Variants in CALCR observed in about 807,000 individuals in gnomAD.
CALCR encodes the protein calcitonin receptor.
Under a neutral mutation model 59.5 loss-of-function variants are expected in CALCR, and 47 were observed. That is an observed-to-expected ratio of 0.79 (90% CI 0.63 to 1.01). The LOEUF is 1.01. CALCR is among the 50% of genes least tolerant of loss of function. The pLI is 0.00. For missense variants in CALCR, 566 were observed against 597.1 expected, an observed-to-expected ratio of 0.95 and a Z score of 0.54; for synonymous variants, 213 against 211.3, an observed-to-expected ratio of 1.01 and a Z score of -0.07.
chr7:93,491,179 G>T (rs1281772913), intron 2 of CALCR, among the ~76,000 whole-genome samples: 1 of 152,060 alleles, frequency 6.6e-6, no homozygotes, highest in East Asian at 1.9e-4. Context: ...TTCAATAAAT[G>T]GTGCTGGGAA....
At chr7:93,429,854 A>T (rs76678248) in intron 13 of CALCR, among the ~76,000 whole-genome samples, 5 of 52,490 alleles carry the variant, frequency 9.5e-5, no homozygotes, top group African/African-American at 2.7e-4. Context: ...AATCATGATT[A>T]AAAAAAAAAA....
intron 2 of CALCR, among the ~76,000 whole-genome samples, chr7:93,496,273 C>T (rs1801200823): frequency 6.6e-6 from 1 of 151,528 alleles, no homozygotes; most frequent in African/African-American, 2.4e-5. Flanking sequence ...TTACTATAGA[C>T]ATTAGCACTT....
intron 3 of CALCR, 36 bp downstream of exon 3, chr7:93,486,895 C>T: frequency 1.6e-6 from 2 of 1,221,414 alleles, no homozygotes; most frequent in Non-Finnish European, 2.4e-6. Flanking sequence ...CAGCATTCTT[C>T]ATTAGCATGG....
chr7:93,460,627 T>C (rs1395388533), intron 8 of CALCR, among the ~76,000 whole-genome samples, 194 bp downstream of exon 8: 1 of 138,474 alleles, frequency 7.2e-6, no homozygotes, highest in South Asian at 2.3e-4. Context: ...TGTTGTATGA[T>C]TCTTATCTGC....
intron 2 of CALCR, among the ~76,000 whole-genome samples, chr7:93,504,191 C>T (rs1801379300): frequency 6.6e-6 from 1 of 152,080 alleles, no homozygotes; most frequent in Admixed American, 6.5e-5. Flanking sequence ...AGAAAATTGC[C>T]CACATTTCCC....
intron 2 of CALCR, among the ~76,000 whole-genome samples, chr7:93,511,415 T>C (rs149127400): frequency 0.01 from 1,569 of 152,184 alleles, 20 homozygotes; most frequent in Non-Finnish European, 0.014. Flanking sequence ...ATTTAGTAAA[T>C]TGTTATGTGG....
At chr7:93,540,300 T>C (rs1402610950) in intron 2 of CALCR, among the ~76,000 whole-genome samples, 1 of 152,206 alleles carries the variant, frequency 6.6e-6, no homozygotes, top group African/African-American at 2.4e-5. Context: ...GTATGGCAGG[T>C]AAATACATTG....
rs1191717462 is a variant in CALCR, at chr7:93,537,241, G to T, written c.-27+37048C>A. Among the ~76,000 whole-genome samples, 3 of 151,710 alleles carry T rather than the reference G, an allele frequency of 2.0e-5. No individual in the cohort carries two copies. In the East Asian group the frequency reaches 5.8e-4, roughly 29 times the overall value. The stretch of plus-strand genomic sequence containing the variant: ...CTTTTTCTCTTATACAATGTTCCAA[G>T]TTTTAGGTTATAGTGAAATTCCCTC... On this transcript the variant is annotated intron_variant, in intron 2 of 13. Transcript: ENST00000426151.
intron 2 of CALCR, among the ~76,000 whole-genome samples, chr7:93,517,628 T>C (rs924685551): frequency 3.9e-5 from 6 of 152,052 alleles, no homozygotes; most frequent in South Asian, 2.1e-4. Flanking sequence ...TATTCTTACA[T>C]TGAAGCTATC....
At chr7:93,566,981 A>G (rs1789877840) in intron 2 of CALCR, among the ~76,000 whole-genome samples, 1 of 152,206 alleles carries the variant, frequency 6.6e-6, no homozygotes, top group Non-Finnish European at 1.5e-5. Context: ...TATAAATACC[A>G]CCTAAGTAGC....
intron 2 of CALCR, among the ~76,000 whole-genome samples, chr7:93,509,803 T>G (rs567439909): frequency 6.6e-6 from 1 of 152,254 alleles, no homozygotes; most frequent in South Asian, 2.1e-4. Flanking sequence ...TATGAAAATC[T>G]AAATACAGAA....
chr7:93,463,167 C>G (rs939314168), intron 7 of CALCR, among the ~76,000 whole-genome samples: 1 of 151,772 alleles, frequency 6.6e-6, no homozygotes, highest in Non-Finnish European at 1.5e-5. Context: ...TTCGTATTAA[C>G]TAGCTAACAT....
intron 7 of CALCR, among the ~76,000 whole-genome samples, chr7:93,465,467 G>A (rs1800420877): frequency 6.6e-6 from 1 of 151,716 alleles, no homozygotes; most frequent in Non-Finnish European, 1.5e-5. Flanking sequence ...AATTTTTTCT[G>A]CGAAGGTTTT....
rs187155980 is a variant in CALCR, at chr7:93,433,497, A to G, written c.1191+756T>C. ...CTGTGTTCCAGTCTGGGTTATAACC[A>G]TAAGTGCATTTGTGACATTGGGTAA... On this transcript the variant is annotated intron_variant, in intron 13 of 13. Coordinates refer to ENST00000426151, the MANE Select transcript of CALCR (RefSeq NM_001742.4). Among the ~76,000 whole-genome samples the G allele has an allele frequency of 6.2e-4, 94 of 152,342 alleles. 4 individuals carry two copies. Among genetic ancestry groups the G allele is most frequent in the Admixed American group, 5.6e-3 (86 of 15,304 alleles).
At chr7:93,483,164 T>C (rs974831803) in intron 3 of CALCR, among the ~76,000 whole-genome samples, 4 of 151,738 alleles carry the variant, frequency 2.6e-5, no homozygotes, top group Non-Finnish European at 5.9e-5. Flanking sequence ...GTCCTTCATA[T>C]AAAATGGTGT....
At chr7:93,473,668 G>A (rs1800606045) in intron 5 of CALCR, among the ~76,000 whole-genome samples, 1 of 147,752 alleles carries the variant, frequency 6.8e-6, no homozygotes, top group Non-Finnish European at 1.5e-5. Context: ...CCAACCAGCA[G>A]GTCAGTGATT....
intron 8 of CALCR, among the ~76,000 whole-genome samples, chr7:93,449,306 T>C (rs1455853290): frequency 1.3e-5 from 2 of 152,050 alleles, no homozygotes; most frequent in African/African-American, 4.8e-5. Flanking sequence ...TAAGTCAATT[T>C]CTAAATATTT....
rs149628324 is a variant in CALCR, at chr7:93,426,534, C to T, written c.1247G>A (p.Arg416His). 67 of 1,613,482 alleles carry T rather than the reference C, an allele frequency of 4.2e-5. No homozygotes were observed. The highest frequency in any genetic ancestry group is 6.7e-5 in the Admixed American group (4 of 59,982). The stretch of plus-strand genomic sequence containing the variant: ...GCGGTTGGAGGGGCGCCTCCCCCAA[C>T]GCTGGTTCCACTGAATTTTGAATTG... ...WAQFKIQWNQ[R>H]WGRRPSNRSA... The change falls in exon 14 of 14, where the codon CGT (arginine) becomes CAT (histidine). Residue 416 changes from arginine to histidine, a missense_variant. Physicochemically the swap from Arg to His is conservative, Grantham distance 29. Transcript: ENST00000426151.
intron 9 of CALCR, among the ~76,000 whole-genome samples, chr7:93,441,211 A>G (rs1799895796): frequency 6.6e-6 from 1 of 152,094 alleles, no homozygotes; most frequent in Non-Finnish European, 1.5e-5. Flanking sequence ...CCCATGAAAA[A>G]TTTTCTGAGT....
Sources: gnomAD v4.1 joint callset for allele counts (sites outside exome capture counted in the v4.1 genomes callset) on GRCh38, gnomAD v4.1.1 for gene constraint, MANE v1.5 for transcripts, NCBI Gene and HGNC (gene_info 2026-07-23, HGNC 2026-07-21) for gene names.